Variants in INSC observed in about 807,000 individuals in gnomAD.
The protein encoded by INSC is INSC spindle orientation adaptor protein.
Under a neutral mutation model 58.6 loss-of-function variants are expected in INSC, and 67 were observed. The observed-to-expected ratio is 1.14, with a 90% CI of 0.94 to 1.40. The LOEUF (loss-of-function observed/expected upper bound fraction) is 1.40, where lower values mean the gene tolerates loss of function less well. INSC is among the 40% of genes most tolerant of loss of function. The pLI is 0.00. For missense variants in INSC, 714 were observed against 692.0 expected, an observed-to-expected ratio of 1.03 and a Z score of -0.36; for synonymous variants, 262 against 276.1, an observed-to-expected ratio of 0.95 and a Z score of 0.51.
the INSC span, among the ~76,000 whole-genome samples, chr11:15,252,639 T>G: frequency 1.3e-5 from 2 of 152,208 alleles, no homozygotes; most frequent in African/African-American, 4.8e-5. Context: ...ATCCTTTTTA[T>G]GCGCTAGTCT....
At chr11:15,186,884 A>C (rs559456311) in intron 5 of INSC, among the ~76,000 whole-genome samples, 4 of 152,170 alleles carry the variant, frequency 2.6e-5, no homozygotes, top group Non-Finnish European at 5.9e-5. Flanking sequence ...TTTAAAAAAA[A>C]CCCAGCAATT....
intron 9 of INSC, among the ~76,000 whole-genome samples, chr11:15,226,213 ACCT>A (rs1851633295): frequency 6.6e-6 from 1 of 151,782 alleles, no homozygotes; most frequent in South Asian, 2.1e-4. Context: ...AGGTGCCTAG[ACCT>A]CCTCTGAAGG....
intron 2 of INSC, among the ~76,000 whole-genome samples, chr11:15,160,490 G>C (rs994386195): frequency 6.6e-6 from 1 of 152,190 alleles, no homozygotes; most frequent in African/African-American, 2.4e-5. Context: ...GGAGGGCACA[G>C]GTGATGGCTC....
chr11:15,216,782 C>A lies in INSC; in HGVS notation c.820-4695C>A, dbSNP rs527923391. 3.9e-5 allele frequency among the ~76,000 whole-genome samples: 6 copies of A among 152,166 alleles called. No individual in the cohort carries two copies. The South Asian group carries it at 1.0e-3, about 26-fold the overall frequency. On this transcript the variant is annotated intron_variant, in intron 7 of 12. Coordinates refer to ENST00000379556, the MANE Select transcript of INSC (RefSeq NM_001042536.3). ...TTCCAAAAAGAGTGTGCAGAAAGGACTTCTGGAGAGAAGCCCAGTGAGGAG... is the reference window on the plus strand; with the variant it reads ...TTCCAAAAAGAGTGTGCAGAAAGGAATTCTGGAGAGAAGCCCAGTGAGGAG...
chr11:15,132,194 C>G (rs1002274704), intron 1 of INSC, among the ~76,000 whole-genome samples: 1 of 152,104 alleles, frequency 6.6e-6, no homozygotes, highest in Non-Finnish European at 1.5e-5. Context: ...AACCTTGGAG[C>G]ACTTTAAATA....
upstream of INSC, chr11:15,112,551 A>G: frequency 6.5e-7 from 1 of 1,539,764 alleles, no homozygotes; most frequent in Non-Finnish European, 8.8e-7. Context: ...GGAGTCCAGG[A>G]GGCTGTGCTG....
chr11:15,120,362 T>C (rs1002556637), intron 1 of INSC, among the ~76,000 whole-genome samples: 2 of 152,124 alleles, frequency 1.3e-5, no homozygotes, highest in African/African-American at 4.8e-5. Flanking sequence ...TAAAGGCCTG[T>C]CTGTGGGGCA....
Position 15,125,399 on chromosome 11 carries a change from GA to G in INSC, c.-46+10401del, listed in dbSNP as rs1204578119. Among the ~76,000 whole-genome samples the G allele has an allele frequency of 9.2e-5, 14 of 152,280 alleles. No homozygotes were observed. In the East Asian group the frequency reaches 2.3e-3, roughly 25 times the overall value. On this transcript the variant is annotated intron_variant, in intron 1 of 12. Coordinates refer to ENST00000379556, the MANE Select transcript of INSC (RefSeq NM_001042536.3). ...TAATATGAGTGGTATAGTGAACATT[GA>G]AAAATTTCGAAGAGAGAAATGACAT...
At chr11:15,136,379 G>A (rs1848245602) in intron 1 of INSC, among the ~76,000 whole-genome samples, 1 of 151,938 alleles carries the variant, frequency 6.6e-6, no homozygotes, top group Admixed American at 6.6e-5. Context: ...GCTAAGGTTG[G>A]GGTTGCTGTG....
chr11:15,256,189 G>C, the INSC span, among the ~76,000 whole-genome samples: 1 of 152,228 alleles, frequency 6.6e-6, no homozygotes, highest in Non-Finnish European at 1.5e-5. Flanking sequence ...AGGCTTGGCT[G>C]CTCACACCAT....
intron 2 of INSC, among the ~76,000 whole-genome samples, chr11:15,168,043 A>G (rs1009861792): frequency 1.3e-5 from 2 of 152,186 alleles, no homozygotes; most frequent in African/African-American, 4.8e-5. Flanking sequence ...TTGCTTGGGC[A>G]AATGGTCCTC....
At chr11:15,243,069 A>G (rs1404190853) in intron 12 of INSC, among the ~76,000 whole-genome samples, 1 of 152,104 alleles carries the variant, frequency 6.6e-6, no homozygotes, top group Non-Finnish European at 1.5e-5. Flanking sequence ...CATTTTGTAT[A>G]TCCATGGGAC....
intron 12 of INSC, chr11:15,241,726 A>C: frequency 3.1e-6 from 2 of 648,048 alleles, no homozygotes; most frequent in Middle Eastern, 2.4e-4. Context: ...AAATGCAAAA[A>C]AGTAAAATAT....
At chr11:15,223,603 G>A (rs573810047) in intron 8 of INSC, among the ~76,000 whole-genome samples, 1 of 152,150 alleles carries the variant, frequency 6.6e-6, no homozygotes, top group Non-Finnish European at 1.5e-5. Context: ...TTGCTGTGTC[G>A]GCAGCAATAG....
chr11:15,238,130 G>A (rs1408455775), intron 10 of INSC, among the ~76,000 whole-genome samples: 1 of 151,996 alleles, frequency 6.6e-6, no homozygotes, highest in Non-Finnish European at 1.5e-5. Context: ...AGGGAAAATG[G>A]CATCCCTTGT....
downstream of INSC, among the ~76,000 whole-genome samples, chr11:15,251,610 C>T (rs1852650226): frequency 1.3e-5 from 2 of 152,100 alleles, no homozygotes; most frequent in Non-Finnish European, 2.9e-5. Flanking sequence ...GATATCTCTC[C>T]AAAGGAGGCA....
At chr11:15,263,583 ACATT>A in the INSC span, among the ~76,000 whole-genome samples, 1 of 152,256 alleles carries the variant, frequency 6.6e-6, no homozygotes, top group Non-Finnish European at 1.5e-5. Context: ...AATGTATCGT[ACATT>A]CATTTTCTAT....
At chr11:15,207,309 T>C (rs1443060448) in intron 7 of INSC, among the ~76,000 whole-genome samples, 2 of 152,206 alleles carry the variant, frequency 1.3e-5, no homozygotes, top group Non-Finnish European at 2.9e-5. Context: ...TCCTCCCTTT[T>C]ATTTTATTTT....
At chr11:15,225,317 C>T (rs1260669926) in intron 8 of INSC, among the ~76,000 whole-genome samples, 1 of 152,188 alleles carries the variant, frequency 6.6e-6, no homozygotes, top group Admixed American at 6.5e-5. Context: ...CTCTTGCCCA[C>T]TAGTAAAGTG....
Sources: gnomAD v4.1 joint callset for allele counts (sites outside exome capture counted in the v4.1 genomes callset) on GRCh38, gnomAD v4.1.1 for gene constraint, MANE v1.5 for transcripts, NCBI Gene and HGNC (gene_info 2026-07-23, HGNC 2026-07-21) for gene names.